KCND3: variants seen among roughly 807,000 people sequenced by gnomAD.
KCND3 encodes the protein A-type voltage-gated potassium channel KCND3.
A neutral mutation model predicts 51.1 loss-of-function variants in KCND3; 9 were observed. That is an observed-to-expected ratio of 0.18 (90% confidence interval 0.11 to 0.31). KCND3 has a LOEUF of 0.31. KCND3 is among the 10% of genes least tolerant of loss of function. The pLI, the probability that KCND3 is intolerant of heterozygous loss-of-function variation, is 1.00. For synonymous variants in KCND3, 349 were observed against 368.0 expected (o/e 0.95, Z 0.59); for missense variants, 526 against 903.8 (o/e 0.58, Z 5.36).
intron 2 of KCND3, among the ~76,000 whole-genome samples, chr1:111,866,360 G>C (rs1668573408): frequency 6.7e-6 from 1 of 150,100 alleles, no homozygotes. Flanking sequence ...GACCTCCCAG[G>C]CTCAAGCCAA....
intron 2 of KCND3, among the ~76,000 whole-genome samples, chr1:111,913,561 A>G (rs556457680): frequency 6.6e-6 from 1 of 152,352 alleles, no homozygotes; most frequent in Non-Finnish European, 1.5e-5. Flanking sequence ...CCTTTAAAGG[A>G]ATACAAAAAG....
At chr1:111,932,098 CTGACCT>C (rs932566031) in intron 2 of KCND3, among the ~76,000 whole-genome samples, 3 of 152,246 alleles carry the variant, frequency 2.0e-5, no homozygotes, top group African/African-American at 7.2e-5. Flanking sequence ...TTGCACCACT[CTGACCT>C]CTCCTCTTGC....
chr1:111,953,550 C>T (rs1228790263), intron 2 of KCND3, among the ~76,000 whole-genome samples: 7 of 152,210 alleles, frequency 4.6e-5, no homozygotes, highest in African/African-American at 7.2e-5. Context: ...GCCTGGGAAA[C>T]GGCCTGCCTA....
intron 2 of KCND3, among the ~76,000 whole-genome samples, chr1:111,978,323 G>A (rs1174903696): frequency 6.6e-6 from 1 of 152,182 alleles, no homozygotes; most frequent in East Asian, 1.9e-4. Context: ...GCTCCAGACT[G>A]GAAATAGGAA....
intron 2 of KCND3, among the ~76,000 whole-genome samples, chr1:111,926,928 T>C (rs2101850806): frequency 6.6e-6 from 1 of 152,376 alleles, no homozygotes; most frequent in Non-Finnish European, 1.5e-5. Context: ...TTTTCTTTTT[T>C]TTCTAAACAT....
At chr1:111,951,533 C>T (rs1319721672) in intron 2 of KCND3, among the ~76,000 whole-genome samples, 1 of 152,160 alleles carries the variant, frequency 6.6e-6, no homozygotes, top group African/African-American at 2.4e-5. Context: ...AGTATGGGAA[C>T]AACTAAGGGA....
intron 2 of KCND3, among the ~76,000 whole-genome samples, chr1:111,852,530 A>T (rs770033927): frequency 2.9e-4 from 44 of 152,154 alleles, no homozygotes; most frequent in Middle Eastern, 3.4e-3. Flanking sequence ...ATAAATAGGG[A>T]TTGTGGGCCT....
intron 2 of KCND3, among the ~76,000 whole-genome samples, chr1:111,925,733 G>T (rs1262753088): frequency 2.0e-5 from 3 of 152,154 alleles, no homozygotes; most frequent in Non-Finnish European, 4.4e-5. Context: ...CAAGAGAAGA[G>T]TGCCTGCCCA....
chr1:111,851,401 A>C (rs1667810081), intron 2 of KCND3, among the ~76,000 whole-genome samples: 2 of 152,186 alleles, frequency 1.3e-5, no homozygotes, highest in Admixed American at 1.3e-4. Flanking sequence ...TTGAGTCCTT[A>C]AGGACTGTTC....
intron 2 of KCND3, among the ~76,000 whole-genome samples, chr1:111,798,429 AC>A (rs1665153471): frequency 6.6e-6 from 1 of 151,540 alleles, no homozygotes; most frequent in Non-Finnish European, 1.5e-5. Context: ...TGGAGCACTT[AC>A]TCCTTTATGC....
Position 111,780,210 on chromosome 1 carries a change from AG to A in KCND3, c.1461+14del. 1 of 1,573,056 alleles carries A rather than the reference AG, an allele frequency of 6.4e-7. No individual in the cohort carries two copies. The highest frequency in any genetic ancestry group is 8.6e-7 in the Non-Finnish European group (1 of 1,158,238). On this transcript the variant is annotated intron_variant, in intron 5 of 7. Transcript: ENST00000302127. This position sits in a 1 kb window ranked among gnomAD's most constrained non-coding sequence, Gnocchi z 4.2. ...GTCAGCGATGAAAAGGAGGTGGCAA[AG>A]GGCTGGGACTCACAGTGGTTTTTTC...
chr1:111,818,811 CA>C (rs1666222460), intron 2 of KCND3, among the ~76,000 whole-genome samples: 1 of 152,140 alleles, frequency 6.6e-6, no homozygotes, highest in Non-Finnish European at 1.5e-5. Flanking sequence ...GTGCAAGCCA[CA>C]GGTGCTGTCC....
chr1:111,798,952 A>T (rs1665173860), intron 2 of KCND3, among the ~76,000 whole-genome samples: 1 of 152,124 alleles, frequency 6.6e-6, no homozygotes, highest in Admixed American at 6.6e-5. Flanking sequence ...GTCAGCAGTA[A>T]GCAGAGGGAG....
intron 2 of KCND3, among the ~76,000 whole-genome samples, chr1:111,850,632 C>T (rs537882353): frequency 6.6e-6 from 1 of 152,228 alleles, no homozygotes; most frequent in African/African-American, 2.4e-5. Flanking sequence ...AGATAGCCCG[C>T]AGGGGATTCT....
intron 2 of KCND3, among the ~76,000 whole-genome samples, chr1:111,857,904 C>A (rs1207960874): frequency 3.3e-5 from 5 of 152,132 alleles, no homozygotes; most frequent in Non-Finnish European, 7.4e-5. Context: ...AAAGCTTCAA[C>A]TCATGTTTAT....
chr1:111,924,063 A>C (rs17726522), intron 2 of KCND3, among the ~76,000 whole-genome samples: 6,500 of 152,348 alleles, frequency 0.043, 180 homozygotes, highest in Middle Eastern at 0.088. Flanking sequence ...AGTCACAAGC[A>C]GATGGCTCAT....
intron 2 of KCND3, among the ~76,000 whole-genome samples, chr1:111,872,762 G>T (rs1326709592): frequency 6.6e-6 from 1 of 152,134 alleles, no homozygotes; most frequent in African/African-American, 2.4e-5. Flanking sequence ...AGAAAATTAT[G>T]ATCAATTCCA....
intron 2 of KCND3, among the ~76,000 whole-genome samples, chr1:111,939,576 T>C (rs1672392782): frequency 6.6e-6 from 1 of 152,230 alleles, no homozygotes; most frequent in South Asian, 2.1e-4. Context: ...TATGGCTGCA[T>C]AGTATTCCAT....
intron 2 of KCND3, among the ~76,000 whole-genome samples, chr1:111,848,851 A>G (rs1385820251): frequency 6.6e-6 from 1 of 152,156 alleles, no homozygotes; most frequent in Non-Finnish European, 1.5e-5. Context: ...GGGACGCGGG[A>G]TGTGCTGTCC....
Sources: gnomAD v4.1 joint callset for allele counts (sites outside exome capture counted in the v4.1 genomes callset) on GRCh38, gnomAD v4.1.1 for gene constraint, Gnocchi (gnomAD v3.1) non-coding constraint, MANE v1.5 for transcripts, NCBI Gene and HGNC (gene_info 2026-07-23, HGNC 2026-07-21) for gene names.